Variants in TOM1L2 observed in about 807,000 individuals in gnomAD.
TOM1L2 encodes the protein target of myb1 like 2 membrane trafficking protein, also known as TOM1-like protein 2.
Under a neutral mutation model 67.9 loss-of-function variants are expected in TOM1L2, and 31 were observed. The ratio of observed to expected loss-of-function variants is 0.46; its 90% CI spans 0.34 to 0.62. TOM1L2 has a LOEUF of 0.62. TOM1L2 is among the 20% of genes least tolerant of loss of function. TOM1L2 has a pLI of 0.01. For synonymous variants in TOM1L2, 256 were observed against 254.0 expected (o/e 1.01, Z -0.07); for missense variants, 606 against 663.5 (o/e 0.91, Z 0.95).
intron 1 of TOM1L2, among the ~76,000 whole-genome samples, chr17:17,931,983 A>G (rs1046217536): frequency 2.0e-5 from 3 of 152,228 alleles, no homozygotes; most frequent in African/African-American, 7.2e-5. Context: ...TTATGAATGT[A>G]TATCACTGAC....
intron 1 of TOM1L2, among the ~76,000 whole-genome samples, chr17:17,958,327 T>C (rs940528080): frequency 1.3e-5 from 2 of 152,176 alleles, no homozygotes; most frequent in African/African-American, 4.8e-5. Flanking sequence ...GGGATTGGTT[T>C]CTCTGGTCTG....
At chr17:17,945,049 A>G (rs901746981) in intron 1 of TOM1L2, among the ~76,000 whole-genome samples, 4 of 152,212 alleles carry the variant, frequency 2.6e-5, no homozygotes, top group African/African-American at 9.7e-5. Context: ...AGGATTTCCC[A>G]TTAATCAGGG....
At chr17:17,882,236 G>A (rs951108650) in intron 6 of TOM1L2, among the ~76,000 whole-genome samples, 2 of 152,146 alleles carry the variant, frequency 1.3e-5, no homozygotes, top group African/African-American at 2.4e-5. Context: ...AGACAAGCCC[G>A]TCACAACTCA....
intron 1 of TOM1L2, among the ~76,000 whole-genome samples, chr17:17,941,237 G>A (rs1446781270): frequency 6.6e-6 from 1 of 152,180 alleles, no homozygotes; most frequent in Non-Finnish European, 1.5e-5. Flanking sequence ...TTACATGATG[G>A]TTGGGGCACT....
rs1410633057 is a variant in TOM1L2, at chr17:17,844,491, TAGAA to T, written c.*3140_*3143del. 7 of 152,348 alleles carry T rather than the reference TAGAA, an allele frequency of 4.6e-5. No homozygotes were observed. The highest frequency in any genetic ancestry group is 7.3e-5 in the Non-Finnish European group (5 of 68,118). 9.4% of individuals were successfully genotyped at this position (152,348 alleles called of 1,614,324 possible). On this transcript the variant is annotated 3_prime_UTR_variant, in exon 15 of 15. Transcript: ENST00000379504. ...ACCATCACTCACATGGAGGCGCTAA[TAGAA>T]AGACAGGAGGACAGACGGATGGTCA...
intron 3 of TOM1L2, among the ~76,000 whole-genome samples, chr17:17,897,858 A>G (rs2038648796): frequency 6.6e-6 from 1 of 151,584 alleles, no homozygotes; most frequent in Admixed American, 6.6e-5. Flanking sequence ...AAACATATTC[A>G]TTAATGTCCA....
At chr17:17,958,125 C>T (rs1807861932) in intron 1 of TOM1L2, among the ~76,000 whole-genome samples, 1 of 151,896 alleles carries the variant, frequency 6.6e-6, no homozygotes. Context: ...CTAAAAGCCA[C>T]TTTGATTTGG....
intron 4 of TOM1L2, among the ~76,000 whole-genome samples, chr17:17,891,570 T>G (rs1357163968): frequency 6.6e-6 from 1 of 152,118 alleles, no homozygotes; most frequent in Non-Finnish European, 1.5e-5. Context: ...TAACTGTGCT[T>G]GCCATGCGGT....
At chr17:17,862,432 A>C (rs1159641429) in intron 11 of TOM1L2, 1 of 250,296 alleles carries the variant, frequency 4.0e-6, no homozygotes, top group Non-Finnish European at 7.6e-6. Context: ...TGGTGTCTGC[A>C]GCAGCAGCAG....
At chr17:17,886,206 A>C (rs187750425) in intron 4 of TOM1L2, among the ~76,000 whole-genome samples, 1 of 152,362 alleles carries the variant, frequency 6.6e-6, no homozygotes, top group East Asian at 1.9e-4. Flanking sequence ...ATTTGAAGTT[A>C]AAAGGTCAGT....
At position 17,857,238 on chromosome 17, in the gene TOM1L2, C is replaced by T. The variant is rs545250973; in HGVS notation, c.1278+4238G>A. ...AAAGTGCTGGGATTACAGGCGTGAG[C>T]CACTGCACCCGGCCTGTGTATTCTT... On this transcript the variant is annotated intron_variant, in intron 12 of 14. Coordinates refer to ENST00000379504, the MANE Select transcript of TOM1L2 (RefSeq NM_001082968.2). Among the ~76,000 whole-genome samples the T allele has an allele frequency of 3.9e-4, 59 of 152,336 alleles. 1 individual carries two copies. Among genetic ancestry groups the T allele is most frequent in the African/African-American group, 1.4e-3 (57 of 41,574 alleles).
chr17:17,910,257 C>T (rs998776388), intron 1 of TOM1L2, among the ~76,000 whole-genome samples: 1 of 152,190 alleles, frequency 6.6e-6, no homozygotes, highest in Non-Finnish European at 1.5e-5. Context: ...TCGTCAGTGG[C>T]AGAGCCAGGA....
At chr17:17,943,744 C>G (rs2040828442) in intron 1 of TOM1L2, among the ~76,000 whole-genome samples, 1 of 152,160 alleles carries the variant, frequency 6.6e-6, no homozygotes, top group African/African-American at 2.4e-5. Context: ...TCCCAGATCT[C>G]CCCACTTCAC....
At chr17:17,888,094 C>A (rs966350474) in intron 4 of TOM1L2, among the ~76,000 whole-genome samples, 1 of 152,286 alleles carries the variant, frequency 6.6e-6, no homozygotes, top group South Asian at 2.1e-4. Flanking sequence ...GGGAGGCTGC[C>A]CCCTCTTAAA....
chr17:17,888,875 A>C (rs2038125944), intron 4 of TOM1L2, among the ~76,000 whole-genome samples: 1 of 152,218 alleles, frequency 6.6e-6, no homozygotes, highest in African/African-American at 2.4e-5. Flanking sequence ...AAGCAAACAA[A>C]AAGGGACACA....
chr17:17,907,334 A>T, intron 2 of TOM1L2, 113 bp downstream of exon 2: 1 of 908,834 alleles, frequency 1.1e-6, no homozygotes, highest in Non-Finnish European at 1.6e-6. Context: ...ATGCCAAACC[A>T]AACATACTAG....
chr17:17,911,397 C>T (rs972367933), intron 1 of TOM1L2, among the ~76,000 whole-genome samples: 8 of 152,226 alleles, frequency 5.3e-5, no homozygotes, highest in African/African-American at 1.9e-4. Flanking sequence ...GAGGTCAGCA[C>T]TTTACAATTA....
At chr17:17,855,325 C>T (rs2036201572) in intron 12 of TOM1L2, among the ~76,000 whole-genome samples, 3 of 152,156 alleles carry the variant, frequency 2.0e-5, no homozygotes, top group African/African-American at 7.2e-5. Context: ...GAGGGAGTCC[C>T]GCCCTCCAAA....
intron 1 of TOM1L2, among the ~76,000 whole-genome samples, chr17:17,968,946 T>C (rs1267245937): frequency 1.3e-5 from 2 of 151,648 alleles, no homozygotes; most frequent in Admixed American, 6.6e-5. Flanking sequence ...GAATTGTTTC[T>C]GACTCCTTCA....
Sources: allele counts gnomAD v4.1 joint callset (sites outside exome capture counted in the v4.1 genomes callset), GRCh38; gene constraint gnomAD v4.1.1; transcripts MANE v1.5; gene names NCBI Gene and HGNC (gene_info 2026-07-23, HGNC 2026-07-21).